Variants in UGGT2 observed in about 807,000 individuals in gnomAD.
UGGT2 encodes UDP-glucose:glycoprotein glucosyltransferase 2.
UGGT2 carries 180 observed loss-of-function variants against 192.1 expected under a neutral mutation model. The observed-to-expected ratio is 0.94, with a 90% CI of 0.83 to 1.06. The LOEUF (loss-of-function observed/expected upper bound fraction) is 1.06. UGGT2 is among the 50% of genes least tolerant of loss of function. The pLI, the probability that UGGT2 is intolerant of heterozygous loss-of-function variation, is 0.00. For synonymous variants in UGGT2, 580 were observed against 591.0 expected, an observed-to-expected ratio of 0.98 and a Z score of 0.27; for missense variants, 1,849 against 1,795.7, an observed-to-expected ratio of 1.03 and a Z score of -0.54.
intron 12 of UGGT2, among the ~76,000 whole-genome samples, chr13:95,963,791 CA>C (rs1479983152): frequency 1.3e-5 from 2 of 151,810 alleles, no homozygotes; most frequent in Non-Finnish European, 1.5e-5. Flanking sequence ...ACAGTAGCTG[CA>C]AAAAATACTT....
chr13:95,940,142 TTC>T (rs758400215), intron 15 of UGGT2, 51 bp from the exon 16 acceptor site: 3 of 1,332,350 alleles, frequency 2.3e-6, no homozygotes, highest in Non-Finnish European at 3.0e-6. Flanking sequence ...GCAATTAGTT[TTC>T]TTTTTTTTCC....
Position 95,863,496 on chromosome 13 carries a change from T to C in UGGT2, c.3644+133A>G, listed in dbSNP as rs112750692. 7.8e-4 allele frequency: 521 copies of C among 665,066 alleles called. 4 individuals carry two copies. The African/African-American group carries it at 8.2e-3, about 10-fold the overall frequency. The allele number at this position is 665,066 out of a possible 1,614,324, so 41.2% of individuals were successfully genotyped here. On this transcript the variant is annotated intron_variant, in intron 31 of 38. Coordinates refer to ENST00000376747, the MANE Select transcript of UGGT2 (RefSeq NM_020121.4). ...TCCTATCTTGTACACAGTAGTAACATTTATGTATTTATCTTATCCCTCCTA... is the reference window on the plus strand; with the variant it reads ...TCCTATCTTGTACACAGTAGTAACACTTATGTATTTATCTTATCCCTCCTA...
At chr13:95,919,597 T>C (rs2048784603) in intron 20 of UGGT2, among the ~76,000 whole-genome samples, 1 of 151,984 alleles carries the variant, frequency 6.6e-6, no homozygotes, top group Non-Finnish European at 1.5e-5. Flanking sequence ...AGCCATCCCA[T>C]TCACAATTGC....
chr13:95,850,040 G>T (rs1159217749), intron 36 of UGGT2, among the ~76,000 whole-genome samples: 8 of 147,876 alleles, frequency 5.4e-5, no homozygotes, highest in African/African-American at 2.0e-4. Flanking sequence ...TTGTCTTATT[G>T]CATTAGCCAA....
At chr13:95,962,161 T>C (rs1325763390) in intron 12 of UGGT2, among the ~76,000 whole-genome samples, 2 of 151,978 alleles carry the variant, frequency 1.3e-5, no homozygotes, top group South Asian at 2.1e-4. Context: ...AATTTAATGA[T>C]GCATCTCAAG....
chr13:95,860,155 A>G (rs1163323121), intron 32 of UGGT2, among the ~76,000 whole-genome samples: 1 of 151,942 alleles, frequency 6.6e-6, no homozygotes, highest in Non-Finnish European at 1.5e-5. Flanking sequence ...CTACAATTCA[A>G]ATATTTTTGA....
intron 36 of UGGT2, among the ~76,000 whole-genome samples, chr13:95,846,370 C>A (rs140209186): frequency 7.0e-6 from 1 of 142,306 alleles, no homozygotes; most frequent in Non-Finnish European, 1.5e-5. Context: ...GCCAAGATGG[C>A]GGCAGTACAG....
At chr13:96,027,851 T>C (rs1391095805) in intron 2 of UGGT2, among the ~76,000 whole-genome samples, 4 of 152,240 alleles carry the variant, frequency 2.6e-5, no homozygotes, top group Admixed American at 2.6e-4. Context: ...TCTCTGTTTT[T>C]AAAAGTAGTA....
At chr13:95,975,539 A>T (rs1010836048) in intron 10 of UGGT2, among the ~76,000 whole-genome samples, 1 of 152,182 alleles carries the variant, frequency 6.6e-6, no homozygotes, top group African/African-American at 2.4e-5. Context: ...AAGTGCAATG[A>T]AACTAGCAGC....
chr13:95,834,136 C>T (rs74857755), intron 37 of UGGT2, among the ~76,000 whole-genome samples: 213 of 151,966 alleles, frequency 1.4e-3, no homozygotes, highest in African/African-American at 5.0e-3. Context: ...GATAATGGGA[C>T]TAATTCTTTT....
chr13:95,801,875 A>ACTTACATAT, intron 38 of UGGT2, 63 bp from the exon 39 acceptor site: 2 of 1,589,220 alleles, frequency 1.3e-6, no homozygotes, highest in Non-Finnish European at 1.7e-6. Flanking sequence ...CTTAAATATT[A>ACTTACATAT]CTTACATATG....
chr13:96,025,102 CCTT>C (rs1281948857), intron 2 of UGGT2, among the ~76,000 whole-genome samples: 1 of 152,146 alleles, frequency 6.6e-6, no homozygotes, highest in East Asian at 1.9e-4. Context: ...TGTAATAAAG[CCTT>C]CTTCTGTCTC....
In UGGT2 at chr13:95,970,268, T is replaced by C. The variant is rs560952615; in HGVS notation, c.1185-6A>G. 2.5e-6 allele frequency: 4 copies of C among 1,587,008 alleles called. No homozygotes were observed. Among genetic ancestry groups the C allele is most frequent in the South Asian group, 1.2e-5 (1 of 86,298 alleles). On this transcript the variant is annotated splice_region_variant and splice_polypyrimidine_tract_variant and intron_variant, in intron 11 of 38. Transcript: ENST00000376747. ...ATTTCAGCATATCCAAAATACTATATATTCAAAGAAAAAACAGTTTTATTT... is the reference window on the plus strand; with the variant it reads ...ATTTCAGCATATCCAAAATACTATACATTCAAAGAAAAAACAGTTTTATTT...
intron 5 of UGGT2, among the ~76,000 whole-genome samples, chr13:96,000,928 AAT>A (rs759964582): frequency 6.6e-6 from 1 of 152,240 alleles, no homozygotes; most frequent in Non-Finnish European, 1.5e-5. Flanking sequence ...ATGTAGCATA[AAT>A]ATGTCTATTT....
At chr13:95,833,382 C>A (rs137947534) in intron 37 of UGGT2, among the ~76,000 whole-genome samples, 1 of 152,046 alleles carries the variant, frequency 6.6e-6, no homozygotes, top group African/African-American at 2.4e-5. Flanking sequence ...ACATAGCAGA[C>A]TAGTGTGCTT....
chr13:95,946,650 C>A (rs1271631456), intron 15 of UGGT2, among the ~76,000 whole-genome samples: 1 of 152,190 alleles, frequency 6.6e-6, no homozygotes, highest in Non-Finnish European at 1.5e-5. Context: ...GGATTATAGG[C>A]ATGAGCCACT....
At chr13:96,031,479 ATTTTT>A (rs1244097044) in intron 2 of UGGT2, among the ~76,000 whole-genome samples, 1 of 151,848 alleles carries the variant, frequency 6.6e-6, no homozygotes, top group East Asian at 1.9e-4. Context: ...AATTTATTTT[ATTTTT>A]TTATTTTTCT....
Position 95,836,160 on chromosome 13 carries a change from T to A in UGGT2, c.4401+926A>T, listed in dbSNP as rs1458044517. ...GCCTCCCAGGTTCAAGCAATTCTCC[T>A]GCCTCAGCCTCCTGAGTAGCTGGGA... On this transcript the variant is annotated intron_variant, in intron 37 of 38. Coordinates refer to ENST00000376747, the MANE Select transcript of UGGT2 (RefSeq NM_020121.4). Among the ~76,000 whole-genome samples, 3 of 152,174 alleles carry A rather than the reference T, an allele frequency of 2.0e-5. No homozygotes were observed. The East Asian group carries it at 5.8e-4, about 29-fold the overall frequency.
intron 5 of UGGT2, 65 bp from the exon 6 acceptor site, chr13:95,999,372 A>C: frequency 7.0e-7 from 1 of 1,419,012 alleles, no homozygotes; most frequent in Non-Finnish European, 1.0e-6. Flanking sequence ...TTTTAAAGTC[A>C]GTACCACGAT....
Sources: allele counts gnomAD v4.1 joint callset (sites outside exome capture counted in the v4.1 genomes callset), GRCh38; gene constraint gnomAD v4.1.1; transcripts MANE v1.5; gene names NCBI Gene and HGNC (gene_info 2026-07-23, HGNC 2026-07-21).